Variants in CNTNAP5 observed in about 807,000 individuals in gnomAD.
CNTNAP5 encodes contactin associated protein family member 5.
In CNTNAP5, 72 loss-of-function variants were observed where a neutral mutation model predicts 150.2. The ratio of observed to expected loss-of-function variants is 0.48; its 90% CI spans 0.40 to 0.58. CNTNAP5 has a LOEUF of 0.58. Ranked by LOEUF, CNTNAP5 falls within the 20% of genes least tolerant of loss-of-function variation. The pLI is 0.00. For synonymous variants in CNTNAP5, 672 were observed against 619.8 expected (o/e 1.08, Z -1.25); for missense variants, 1,636 against 1,626.2 (o/e 1.01, Z -0.10).
chr2:124,347,101 T>A (rs1558861016), intron 3 of CNTNAP5, among the ~76,000 whole-genome samples: 1 of 151,636 alleles, frequency 6.6e-6, no homozygotes, highest in South Asian at 2.1e-4. Context: ...AAATAAATAA[T>A]TAATTAAATC....
At chr2:124,908,011 G>T (rs2104765331) in intron 22 of CNTNAP5, among the ~76,000 whole-genome samples, 1 of 151,870 alleles carries the variant, frequency 6.6e-6, no homozygotes, top group Middle Eastern at 3.4e-3. Context: ...TTATTATTTT[G>T]GTTAATAATG....
chr2:124,620,247 GT>G (rs1402951230), intron 12 of CNTNAP5, among the ~76,000 whole-genome samples: 1 of 151,900 alleles, frequency 6.6e-6, no homozygotes. Flanking sequence ...TATCTTTCCC[GT>G]TTTTTTCTTT....
At chr2:124,247,329 G>A (rs144953700) in intron 3 of CNTNAP5, among the ~76,000 whole-genome samples, 1 of 152,208 alleles carries the variant, frequency 6.6e-6, no homozygotes, top group Admixed American at 6.5e-5. Context: ...GGCTTACAAA[G>A]GGGCTTAAGC....
intron 13 of CNTNAP5, among the ~76,000 whole-genome samples, chr2:124,734,517 G>A (rs915411120): frequency 4.0e-5 from 6 of 151,870 alleles, no homozygotes; most frequent in Non-Finnish European, 1.5e-5. Context: ...GAGTAACTGT[G>A]GGAGATGTTC....
rs185686360 is a variant in CNTNAP5 at position 124,062,760 on chromosome 2, G to A, written c.82+37028G>A. Among the ~76,000 whole-genome samples, 11 of 152,248 alleles carry A rather than the reference G, an allele frequency of 7.2e-5. No homozygotes were observed. In the East Asian group the frequency reaches 9.7e-4, roughly 13 times the overall value. On this transcript the variant is annotated intron_variant, in intron 1 of 23. Coordinates refer to ENST00000682447, the MANE Select transcript of CNTNAP5 (RefSeq NM_001367498.1). ...TGGGGAAATCCTATCAGTCGAGGCC[G>A]TGAAGCAGGACACACAAAGTTAGGG...
chr2:124,309,876 C>A (rs576811633), intron 3 of CNTNAP5, among the ~76,000 whole-genome samples: 4 of 152,316 alleles, frequency 2.6e-5, no homozygotes, highest in Non-Finnish European at 4.4e-5. Context: ...ACGGATTTAT[C>A]TGAAATACAT....
chr2:124,582,145 A>G (rs1448365059), intron 11 of CNTNAP5, among the ~76,000 whole-genome samples: 1 of 152,208 alleles, frequency 6.6e-6, no homozygotes, highest in Non-Finnish European at 1.5e-5. Flanking sequence ...AAGCGATTCC[A>G]TGCCATTTAG....
rs562884042 is a variant in CNTNAP5, at chr2:124,776,795, G to T, written c.2752+3778G>T. Among the ~76,000 whole-genome samples, 63 of 152,242 alleles carry T rather than the reference G, an allele frequency of 4.1e-4. 2 individuals are homozygous for T. The South Asian group carries it at 8.5e-3, about 21-fold the overall frequency. ...CATATTTTTACATAAAGCTGTATTT[G>T]CATGGAGGATAATAATTATCATGAC... On this transcript the variant is annotated intron_variant, in intron 17 of 23. Transcript: ENST00000682447.
chr2:124,493,615 A>G (rs977115050), intron 7 of CNTNAP5, among the ~76,000 whole-genome samples: 2 of 152,100 alleles, frequency 1.3e-5, no homozygotes, highest in Non-Finnish European at 2.9e-5. Flanking sequence ...CTGGGATTCC[A>G]GGGGTGAGCC....
intron 13 of CNTNAP5, among the ~76,000 whole-genome samples, chr2:124,727,107 T>G (rs1272877299): frequency 6.6e-6 from 1 of 152,126 alleles, no homozygotes; most frequent in East Asian, 1.9e-4. Context: ...TTTCACCATG[T>G]TTTGTCCTTT....
In CNTNAP5 at chr2:124,920,257, C is replaced by T. The variant is rs149228281; in HGVS notation, c.*5969C>T. 2.2e-3 allele frequency among the ~76,000 whole-genome samples: 342 copies of T among 152,198 alleles called. 1 individual carries two copies. The highest frequency in any genetic ancestry group is 7.7e-3 in the African/African-American group (318 of 41,548). ...AGATGCCAGAAATATCTTCAGAGAACGTGAACAAAGTGCTGGATATGAAAC... is the reference window on the plus strand; with the variant it reads ...AGATGCCAGAAATATCTTCAGAGAATGTGAACAAAGTGCTGGATATGAAAC... On this transcript the variant is annotated 3_prime_UTR_variant, in exon 24 of 24. Coordinates refer to ENST00000682447, the MANE Select transcript of CNTNAP5 (RefSeq NM_001367498.1).
chr2:124,881,558 C>A (rs1677965119), intron 21 of CNTNAP5, among the ~76,000 whole-genome samples: 1 of 152,068 alleles, frequency 6.6e-6, no homozygotes, highest in African/African-American at 2.4e-5. Flanking sequence ...CAGTCCTGCT[C>A]AGCTGCTTCT....
chr2:124,655,626 C>T (rs1678427194), intron 13 of CNTNAP5, among the ~76,000 whole-genome samples: 1 of 151,746 alleles, frequency 6.6e-6, no homozygotes, highest in African/African-American at 2.4e-5. Flanking sequence ...GACTGGGTGC[C>T]ATGGCTTACA....
In CNTNAP5 at chr2:124,776,189, C is replaced by G. The variant is rs545411640; in HGVS notation, c.2752+3172C>G. The stretch of plus-strand genomic sequence containing the variant: ...TTAACGCAAGATCTTTCAAAATATG[C>G]GGCAATTATAGAGTGGAAATCTTGT... On this transcript the variant is annotated intron_variant, in intron 17 of 23. Coordinates refer to ENST00000682447, the MANE Select transcript of CNTNAP5 (RefSeq NM_001367498.1). 2.6e-5 allele frequency among the ~76,000 whole-genome samples: 4 copies of G among 152,208 alleles called. No individual in the cohort carries two copies. In the South Asian group the frequency reaches 8.3e-4, roughly 32 times the overall value.
chr2:124,145,812 T>TAAAAAAAAAAA, intron 1 of CNTNAP5, among the ~76,000 whole-genome samples: 37 of 64,142 alleles, frequency 5.8e-4, no homozygotes, highest in Middle Eastern at 0.031. Context: ...AAAAAAACAT[T>TAAAAAAAAAAA]AAAAAAAAAA....
intron 21 of CNTNAP5, among the ~76,000 whole-genome samples, chr2:124,897,742 C>G (rs1252863040): frequency 2.0e-5 from 3 of 151,504 alleles, no homozygotes; most frequent in Non-Finnish European, 4.4e-5. Context: ...GCCATGAAAC[C>G]TAGGTTTCAG....
intron 18 of CNTNAP5, among the ~76,000 whole-genome samples, chr2:124,796,894 C>T (rs1681857165): frequency 6.6e-6 from 1 of 152,218 alleles, no homozygotes; most frequent in East Asian, 1.9e-4. Context: ...CACTCTGTTA[C>T]TGTATAGAGA....
chr2:124,467,382 A>C (rs1693401969), intron 6 of CNTNAP5, among the ~76,000 whole-genome samples: 1 of 151,556 alleles, frequency 6.6e-6, no homozygotes, highest in East Asian at 1.9e-4. Flanking sequence ...TAAGCAGGAG[A>C]CTAGCTTGAG....
intron 13 of CNTNAP5, among the ~76,000 whole-genome samples, chr2:124,665,301 A>G (rs1678675258): frequency 6.6e-6 from 1 of 152,166 alleles, no homozygotes; most frequent in Non-Finnish European, 1.5e-5. Flanking sequence ...TTGTAACTCT[A>G]TTTATAGATC....
Sources: allele counts gnomAD v4.1 joint callset (sites outside exome capture counted in the v4.1 genomes callset), GRCh38; gene constraint gnomAD v4.1.1; transcripts MANE v1.5; gene names NCBI Gene and HGNC (gene_info 2026-07-23, HGNC 2026-07-21).